Variants in CMIP observed in about 807,000 individuals in gnomAD.
CMIP encodes the protein c-Maf inducing protein.
CMIP carries 13 observed loss-of-function variants against 97.3 expected under a neutral mutation model. The observed-to-expected ratio is 0.13, with a 90% CI of 0.09 to 0.21. CMIP has a LOEUF of 0.21. Among genes scored for constraint, CMIP ranks in the 10% least tolerant of loss-of-function variants. The probability of loss-of-function intolerance (pLI) is 1.00; values close to 1 mark genes in which losing one functional copy is unlikely to be tolerated. For synonymous variants in CMIP, 538 were observed against 436.3 expected (o/e 1.23, Z -2.91); for missense variants, 847 against 1,024.9 (o/e 0.83, Z 2.37).
intron 1 of CMIP, among the ~76,000 whole-genome samples, chr16:81,482,706 G>C (rs1209956965): frequency 6.6e-6 from 1 of 152,198 alleles, no homozygotes; most frequent in Admixed American, 6.5e-5. Context: ...GGAAATGCAG[G>C]CTGCATCTTC....
At chr16:81,565,428 C>T (rs2090962135) in intron 1 of CMIP, among the ~76,000 whole-genome samples, 1 of 152,190 alleles carries the variant, frequency 6.6e-6, no homozygotes, top group South Asian at 2.1e-4. Flanking sequence ...CTCTGCACTC[C>T]ATCCTCCTGC....
rs531507513 is a variant in CMIP at position 81,445,840 on chromosome 16, G to T, written c.300+299G>T. Among the ~76,000 whole-genome samples the T allele has an allele frequency of 2.0e-5, 3 of 152,028 alleles. No individual in the cohort carries two copies. The East Asian group carries it at 5.8e-4, about 29-fold the overall frequency. ...GCCCCCAGCTCTTGTGTTTCTGGTG[G>T]CTGGGACTCGAGGATGGACCCGACG... On this transcript the variant is annotated intron_variant, in intron 1 of 20. Transcript: ENST00000537098.
At position 81,627,572 on chromosome 16, in the gene CMIP, C is replaced by T. The variant is rs4488436; in HGVS notation, c.477+6646C>T. Among the ~76,000 whole-genome samples the T allele has an allele frequency of 0.31, 46,610 of 151,724 alleles. 8,557 individuals carry two copies. The highest frequency in any genetic ancestry group is 0.41 in the Non-Finnish European group (27,820 of 67,844). On this transcript the variant is annotated intron_variant, in intron 3 of 20. Coordinates refer to ENST00000537098, the MANE Select transcript of CMIP (RefSeq NM_198390.3). The surrounding 1 kb of genome is among the most constrained non-coding windows in gnomAD (Gnocchi z 4.6). ...GGAGGGCTAGGGTGGGTGGGAAGCC[C>T]GCCCTCGAGACTGTCTCTGCCCGGC...
At chr16:81,586,090 GCTC>G (rs2091377620) in intron 1 of CMIP, among the ~76,000 whole-genome samples, 1 of 147,500 alleles carries the variant, frequency 6.8e-6, no homozygotes, top group African/African-American at 2.5e-5. Flanking sequence ...ATCTGTTTGT[GCTC>G]CTATCTTTTT....
chr16:81,599,887 T>C (rs1487336889), intron 1 of CMIP, among the ~76,000 whole-genome samples: 1 of 152,176 alleles, frequency 6.6e-6, no homozygotes, highest in African/African-American at 2.4e-5. Flanking sequence ...TGGTAACTGC[T>C]TGATGAATGT....
At chr16:81,498,856 C>T (rs1405576579) in intron 1 of CMIP, among the ~76,000 whole-genome samples, 8 of 152,190 alleles carry the variant, frequency 5.3e-5, no homozygotes, top group East Asian at 3.9e-4. Flanking sequence ...TAGTTTACAC[C>T]GTGCACACCT....
At chr16:81,636,505 C>G (rs551243090) in intron 3 of CMIP, among the ~76,000 whole-genome samples, 13 of 150,338 alleles carry the variant, frequency 8.6e-5, no homozygotes, top group African/African-American at 3.2e-4. Context: ...CGCTTGAACC[C>G]AGGGGGCAGA....
chr16:81,507,978 C>G (rs1035088964), intron 1 of CMIP, among the ~76,000 whole-genome samples: 50 of 152,136 alleles, frequency 3.3e-4, no homozygotes, highest in African/African-American at 1.2e-3. Flanking sequence ...TTGGTTTTCC[C>G]AGGCTTTTAG....
At chr16:81,451,275 A>G (rs372100950) in intron 1 of CMIP, among the ~76,000 whole-genome samples, 2 of 152,232 alleles carry the variant, frequency 1.3e-5, no homozygotes, top group African/African-American at 4.8e-5. Context: ...TGGTTTTATA[A>G]GGGGAAACCC....
chr16:81,452,231 A>G (rs980820609), intron 1 of CMIP, among the ~76,000 whole-genome samples: 1 of 152,154 alleles, frequency 6.6e-6, no homozygotes, highest in Non-Finnish European at 1.5e-5. Flanking sequence ...GAAATCAGAC[A>G]GGGGAGCTTG....
At chr16:81,521,532 A>AG (rs956636704) in intron 1 of CMIP, among the ~76,000 whole-genome samples, 14 of 151,992 alleles carry the variant, frequency 9.2e-5, no homozygotes, top group Non-Finnish European at 1.3e-4. Flanking sequence ...CCAGAAGAGG[A>AG]GGGGGCTGAG....
At chr16:81,649,200 T>C (rs2092399211) in intron 3 of CMIP, among the ~76,000 whole-genome samples, 1 of 152,268 alleles carries the variant, frequency 6.6e-6, no homozygotes, top group Non-Finnish European at 1.5e-5. Flanking sequence ...TAGCCCTTGG[T>C]ACAAGCCCTG....
At chr16:81,483,599 T>TCTC (rs1567538157) in intron 1 of CMIP, among the ~76,000 whole-genome samples, 1,962 of 145,680 alleles carry the variant, frequency 0.013, 14 homozygotes, top group Non-Finnish European at 0.021. Flanking sequence ...CTCTTCCTCT[T>TCTC]CCTCTCCCTC....
Position 81,653,367 on chromosome 16 carries a change from C to T in CMIP, c.639+1003C>T, listed in dbSNP as rs2092449976. On this transcript the variant is annotated intron_variant, in intron 4 of 20. Transcript: ENST00000537098. ...GGGACGGGGCCTGGCACCGGCCCTC[C>T]GTGTCTGTGGAGTAGAGAAGGTCCC... Among the ~76,000 whole-genome samples the T allele has an allele frequency of 4.6e-5, 7 of 152,318 alleles. No homozygotes were observed. The South Asian group carries it at 8.3e-4, about 18-fold the overall frequency.
At chr16:81,552,019 C>G (rs2090668781) in intron 1 of CMIP, among the ~76,000 whole-genome samples, 1 of 152,202 alleles carries the variant, frequency 6.6e-6, no homozygotes, top group Non-Finnish European at 1.5e-5. Flanking sequence ...ACTCTGCAGC[C>G]TCGGCGGCAG....
Position 81,581,442 on chromosome 16 carries a change from A to G in CMIP, c.301-26125A>G, listed in dbSNP as rs1013876954. ...TGTACAACAGGTTACTCTACTGAAT[A>G]CTGGTGGCAGTTGTAACATAGTGGT... is the stretch of plus-strand genomic sequence containing the variant. On this transcript the variant is annotated intron_variant, in intron 1 of 20. Transcript: ENST00000537098. Among the ~76,000 whole-genome samples, 6 of 152,296 alleles carry G rather than the reference A, an allele frequency of 3.9e-5. No homozygotes were observed. The South Asian group carries it at 8.3e-4, about 21-fold the overall frequency.
intron 1 of CMIP, among the ~76,000 whole-genome samples, chr16:81,466,303 C>T (rs1907202852): frequency 6.6e-6 from 1 of 152,210 alleles, no homozygotes; most frequent in Admixed American, 6.5e-5. Context: ...TCAAGTGATC[C>T]TCCTGCCTTG....
At chr16:81,520,986 C>T (rs761892153) in intron 1 of CMIP, among the ~76,000 whole-genome samples, 11 of 152,170 alleles carry the variant, frequency 7.2e-5, no homozygotes, top group Non-Finnish European at 1.5e-4. Context: ...TGGCATGTGT[C>T]AGAAAAAGGA....
chr16:81,448,772 G>A (rs1906025516), intron 1 of CMIP, among the ~76,000 whole-genome samples: 1 of 152,262 alleles, frequency 6.6e-6, no homozygotes, highest in African/African-American at 2.4e-5. Context: ...GACTTGGGAG[G>A]GGAGATAGGG....
Sources: gnomAD v4.1 joint callset for allele counts (sites outside exome capture counted in the v4.1 genomes callset) on GRCh38, gnomAD v4.1.1 for gene constraint, Gnocchi (gnomAD v3.1) non-coding constraint, MANE v1.5 for transcripts, NCBI Gene and HGNC (gene_info 2026-07-23, HGNC 2026-07-21) for gene names.